RMDN2: variants seen among roughly 807,000 people sequenced by gnomAD.
The protein encoded by RMDN2 is regulator of microtubule dynamics protein 2.
Under a neutral mutation model 52.8 loss-of-function variants are expected in RMDN2, and 61 were observed. The ratio of observed to expected loss-of-function variants is 1.16; its 90% CI spans 0.94 to 1.43. The LOEUF (loss-of-function observed/expected upper bound fraction) is 1.43, where lower values mean the gene tolerates loss of function less well. Ranked by LOEUF, RMDN2 falls within the 40% of genes most tolerant of loss-of-function variation. The probability of loss-of-function intolerance (pLI) is 0.00; values close to 1 mark genes in which losing one functional copy is unlikely to be tolerated. For synonymous variants in RMDN2, 180 were observed against 153.1 expected, an observed-to-expected ratio of 1.18 and a Z score of -1.30; for missense variants, 592 against 475.3, an observed-to-expected ratio of 1.25 and a Z score of -2.28.
intron 8 of RMDN2, among the ~76,000 whole-genome samples, chr2:38,003,371 G>A (rs1404745345): frequency 6.6e-6 from 1 of 152,036 alleles, no homozygotes; most frequent in African/African-American, 2.4e-5. Flanking sequence ...TGGACAATAT[G>A]GTGAAATCCC....
At chr2:38,031,656 C>T (rs1164532405) in intron 10 of RMDN2, among the ~76,000 whole-genome samples, 3 of 152,174 alleles carry the variant, frequency 2.0e-5, no homozygotes, top group African/African-American at 7.2e-5. Flanking sequence ...TTCCTACATT[C>T]ACTCAACTAA....
intron 10 of RMDN2, among the ~76,000 whole-genome samples, chr2:38,064,466 G>C (rs534718063): frequency 1.3e-5 from 2 of 151,924 alleles, no homozygotes; most frequent in South Asian, 4.2e-4. Context: ...CTCCAGCCTG[G>C]GTGACAGAGC....
At chr2:38,063,159 T>C (rs1311349023) in intron 10 of RMDN2, among the ~76,000 whole-genome samples, 1 of 152,178 alleles carries the variant, frequency 6.6e-6, no homozygotes, top group Non-Finnish European at 1.5e-5. Flanking sequence ...GGTCAAATGG[T>C]ATTTCTAGTT....
intron 10 of RMDN2, among the ~76,000 whole-genome samples, chr2:38,042,460 C>T (rs1681028388): frequency 6.9e-6 from 1 of 144,396 alleles, no homozygotes; most frequent in South Asian, 2.3e-4. Flanking sequence ...CACACACACA[C>T]ATCAGGTTTT....
At chr2:37,951,532 G>A (rs138276197) in intron 2 of RMDN2, 4 of 1,612,056 alleles carry the variant, frequency 2.5e-6, no homozygotes, top group Admixed American at 1.7e-5. Context: ...GAAGACACAG[G>A]CTTCACTGAT....
intron 10 of RMDN2, among the ~76,000 whole-genome samples, chr2:38,046,092 G>T (rs1573226700): frequency 6.6e-6 from 1 of 152,318 alleles, no homozygotes; most frequent in Non-Finnish European, 1.5e-5. Context: ...CATCCACTCA[G>T]ACCAGAGATG....
rs114794051 is a variant in RMDN2 at position 38,039,684 on chromosome 2, G to A, written c.1714-27298G>A. On this transcript the variant is annotated intron_variant, in intron 10 of 10. Coordinates refer to the RMDN2 transcript ENST00000234195. ...AGAAAATCACCCAGTGTCTGAGGCT[G>A]CAGAATGGGTTCCCTGAAGGTGCAC... 1.8e-3 allele frequency among the ~76,000 whole-genome samples: 275 copies of A among 152,344 alleles called. 2 individuals carry two copies. The highest frequency in any genetic ancestry group is 6.1e-3 in the African/African-American group (253 of 41,572).
chr2:38,004,248 G>T, intron 10 of RMDN2, 32 bp downstream of exon 10: 1 of 1,440,602 alleles, frequency 6.9e-7, no homozygotes, highest in Non-Finnish European at 9.8e-7. Context: ...GAGTGCTGTT[G>T]TCTTGTTAGT....
chr2:37,927,191 G>A (rs1039910586), intron 1 of RMDN2, among the ~76,000 whole-genome samples: 6 of 152,078 alleles, frequency 3.9e-5, no homozygotes, highest in Admixed American at 3.9e-4. Flanking sequence ...TAATATTTCA[G>A]CTTTGAGCAT....
At chr2:37,967,839 T>A (rs1295516470) in intron 2 of RMDN2, among the ~76,000 whole-genome samples, 1 of 152,220 alleles carries the variant, frequency 6.6e-6, no homozygotes, top group Non-Finnish European at 1.5e-5. Context: ...CCAATTTTTC[T>A]TCAGTTAATA....
intron 10 of RMDN2, among the ~76,000 whole-genome samples, chr2:38,037,674 C>T (rs1573203299): frequency 6.6e-6 from 1 of 152,330 alleles, no homozygotes; most frequent in East Asian, 1.9e-4. Context: ...TCCCTGAATT[C>T]CCATTTTTAG....
chr2:38,066,891 AC>A, intron 10 of RMDN2: 1 of 1,199,736 alleles, frequency 8.3e-7, no homozygotes, highest in Middle Eastern at 2.5e-4. Context: ...CCATAGCCAT[AC>A]CTTCTGGCTG....
At chr2:38,019,124 C>A (rs1679142430), downstream of RMDN2, among the ~76,000 whole-genome samples, 1 of 152,150 alleles carries the variant, frequency 6.6e-6, no homozygotes, top group African/African-American at 2.4e-5. Flanking sequence ...GCTATGGATA[C>A]CTCTGGCTAT....
chr2:37,952,162 A>G, intron 2 of RMDN2: 1 of 1,613,240 alleles, frequency 6.2e-7, no homozygotes, highest in African/African-American at 1.3e-5. Context: ...TTGTTTCAAG[A>G]TGAAGACAGA....
downstream of RMDN2, among the ~76,000 whole-genome samples, chr2:38,020,103 A>C (rs530192489): frequency 2.0e-5 from 3 of 152,232 alleles, no homozygotes; most frequent in African/African-American, 7.2e-5. Flanking sequence ...AGTTTCATGG[A>C]AGACAATTTT....
intron 2 of RMDN2, among the ~76,000 whole-genome samples, chr2:37,970,406 A>C (rs573201713): frequency 1.3e-4 from 20 of 152,340 alleles, no homozygotes; most frequent in African/African-American, 3.4e-4. Flanking sequence ...GTTGTAATAC[A>C]TAATTTTATA....
intron 2 of RMDN2, chr2:37,951,544 T>C (rs777868708): frequency 5.6e-6 from 9 of 1,612,492 alleles, no homozygotes; most frequent in African/African-American, 4.0e-5. Flanking sequence ...TTCACTGATA[T>C]AAAATCTTCC....
rs764438666 is a variant in RMDN2 at position 38,004,008 on chromosome 2, T to C, written c.1062T>C (p.Pro354=). ...CAAATCAGGCTGAAGAACTATGCCC[T>C]GGTTATTCTAATCCCAATTACATGT... ...HNFLKAEELC[P]GYSNPNYMYL... is the part of the protein sequence containing the mutation. Residue 354 remains proline (P), a synonymous_variant, in exon 9 of 11, where the codon CCT becomes CCC. Transcript: ENST00000354545. 9.3e-6 allele frequency: 15 copies of C among 1,613,022 alleles called. No homozygotes were observed. Among genetic ancestry groups the C allele is most frequent in the Non-Finnish European group, 1.3e-5 (15 of 1,179,240 alleles).
intron 2 of RMDN2, among the ~76,000 whole-genome samples, chr2:37,933,083 C>G (rs1263296818): frequency 1.3e-5 from 2 of 151,772 alleles, no homozygotes; most frequent in Non-Finnish European, 2.9e-5. Context: ...GGCAGAGGGT[C>G]TCCTCACTTC....
Sources: allele counts gnomAD v4.1 joint callset (sites outside exome capture counted in the v4.1 genomes callset), GRCh38; gene constraint gnomAD v4.1.1; transcripts MANE v1.5; gene names NCBI Gene and HGNC (gene_info 2026-07-23, HGNC 2026-07-21).